Variants in DYNC1LI2 observed in about 807,000 individuals in gnomAD.
DYNC1LI2 encodes dynein cytoplasmic 1 light intermediate chain 2.
Under a neutral mutation model 57.8 loss-of-function variants are expected in DYNC1LI2, and 19 were observed. That is an observed-to-expected ratio of 0.33 (90% CI 0.23 to 0.48). The LOEUF (loss-of-function observed/expected upper bound fraction) is 0.48, where lower values mean the gene tolerates loss of function less well. Ranked by LOEUF, DYNC1LI2 falls within the 20% of genes least tolerant of loss-of-function variation. The probability of loss-of-function intolerance (pLI) is 0.99; values close to 1 mark genes in which losing one functional copy is unlikely to be tolerated. For synonymous variants in DYNC1LI2, 256 were observed against 233.4 expected (o/e 1.10, Z -0.88); for missense variants, 470 against 604.2 (o/e 0.78, Z 2.33).
At chr16:66,733,102 T>C (rs543232422) in intron 6 of DYNC1LI2, 1 of 152,248 alleles carries the variant, frequency 6.6e-6, no homozygotes, top group South Asian at 2.1e-4. Context: ...AACATAAACA[T>C]ATGGGAAACA....
intron 4 of DYNC1LI2, among the ~76,000 whole-genome samples, chr16:66,742,114 C>G (rs561626216): frequency 7.2e-5 from 11 of 152,250 alleles, no homozygotes; most frequent in Admixed American, 2.6e-4. Context: ...GATGTTAACT[C>G]AGCAGACAGA....
intron 8 of DYNC1LI2, among the ~76,000 whole-genome samples, chr16:66,729,793 CT>C (rs935327788): frequency 1.3e-5 from 2 of 151,364 alleles, no homozygotes; most frequent in African/African-American, 4.9e-5. Flanking sequence ...TTCTTCTTTT[CT>C]TTTTTTGATA....
chr16:66,736,839 T>C (rs138011799), intron 4 of DYNC1LI2, among the ~76,000 whole-genome samples: 401 of 152,344 alleles, frequency 2.6e-3, no homozygotes, highest in African/African-American at 9.3e-3. Context: ...AAGGTTTCAA[T>C]AGTTCTTACC....
Position 66,742,394 on chromosome 16 carries a change from G to C in DYNC1LI2, c.529+44C>G, listed in dbSNP as rs2017856067. The stretch of plus-strand genomic sequence containing the variant: ...AGGAAAGTGATTCAAACCATCTAAA[G>C]AGACTCGTGAACTTCCCAATTAAGA... On this transcript the variant is annotated intron_variant, in intron 4 of 12. Coordinates refer to ENST00000258198, the MANE Select transcript of DYNC1LI2 (RefSeq NM_006141.3). 7 of 1,584,292 alleles carry C rather than the reference G, an allele frequency of 4.4e-6. No individual in the cohort carries two copies. In the Admixed American group the frequency reaches 1.0e-4, roughly 23 times the overall value.
chr16:66,725,058 C>T (rs1166477906), intron 12 of DYNC1LI2, among the ~76,000 whole-genome samples: 1 of 151,770 alleles, frequency 6.6e-6, no homozygotes, highest in Non-Finnish European at 1.5e-5. Context: ...CCTGTAGTCC[C>T]AGCTACTCGG....
intron 2 of DYNC1LI2, among the ~76,000 whole-genome samples, chr16:66,750,775 C>A: frequency 6.6e-6 from 1 of 152,156 alleles, no homozygotes. Flanking sequence ...GGACCTGACT[C>A]AGGTAACCTA....
intron 4 of DYNC1LI2, chr16:66,738,884 A>AACACACAC (rs34638723): frequency 3.7e-5 from 5 of 133,476 alleles, no homozygotes; most frequent in East Asian, 4.5e-4. Context: ...AAAAAAAACA[A>AACACACAC]ACACACACAC....
chr16:66,741,798 GA>G (rs899149594), intron 4 of DYNC1LI2, among the ~76,000 whole-genome samples: 65 of 134,968 alleles, frequency 4.8e-4, no homozygotes, highest in African/African-American at 1.4e-3. Flanking sequence ...CCACATTAAG[GA>G]AAAAAAAACC....
intron 9 of DYNC1LI2, 68 bp downstream of exon 9, chr16:66,728,972 A>G: frequency 6.4e-7 from 1 of 1,564,000 alleles, no homozygotes; most frequent in Middle Eastern, 1.7e-4. Context: ...GACACCCCCA[A>G]CCCCACCCTA....
chr16:66,728,867 T>A (rs1227101265), intron 9 of DYNC1LI2, among the ~76,000 whole-genome samples, 173 bp downstream of exon 9: 1 of 152,140 alleles, frequency 6.6e-6, no homozygotes, highest in African/African-American at 2.4e-5. Flanking sequence ...AAGGAGGTGG[T>A]CCATCCCCAA....
chr16:66,723,206 G>A lies in DYNC1LI2; in HGVS notation c.*516C>T, dbSNP rs1251741925. ...TTCTACTGAATGCACAGTATTTACT[G>A]ACACTGCTCATCTCCTCCTTCCTCC... On this transcript the variant is annotated 3_prime_UTR_variant, in exon 13 of 13. Coordinates refer to ENST00000258198, the MANE Select transcript of DYNC1LI2 (RefSeq NM_006141.3). 1 of 396,686 alleles carries A rather than the reference G, an allele frequency of 2.5e-6. No homozygotes were observed. Among genetic ancestry groups the A allele is most frequent in the Non-Finnish European group, 5.1e-6 (1 of 196,080 alleles). The allele number at this position is 396,686 out of a possible 1,614,324, so 24.6% of individuals were successfully genotyped here.
intron 9 of DYNC1LI2, among the ~76,000 whole-genome samples, chr16:66,728,715 G>C (rs1273340825): frequency 1.3e-5 from 2 of 152,196 alleles, no homozygotes; most frequent in African/African-American, 2.4e-5. Context: ...TGAAATAATG[G>C]AAGTGTGGTC....
At chr16:66,736,386 A>G in intron 4 of DYNC1LI2, 142 bp from the exon 5 acceptor site, 1 of 987,756 alleles carries the variant, frequency 1.0e-6, no homozygotes, top group South Asian at 1.8e-5. Context: ...CCAACTGCAA[A>G]ATCAAGGATT....
Position 66,751,398 on chromosome 16 carries a change from C to G in DYNC1LI2, c.108-52G>C, listed in dbSNP as rs748196477. On this transcript the variant is annotated intron_variant, in intron 1 of 12. Transcript: ENST00000258198. The surrounding 1 kb of genome is among the most constrained non-coding windows in gnomAD (Gnocchi z 5.2). ...AGCCCCGGGCCGGGCTGGGATGGCC[C>G]GGCTCGCGTCGGCCCCTCAGTGTGT... 6.3e-5 allele frequency: 100 copies of G among 1,595,694 alleles called. No individual in the cohort carries two copies. Among genetic ancestry groups the G allele is most frequent in the Non-Finnish European group, 8.1e-5 (95 of 1,172,696 alleles).
chr16:66,745,749 C>A (rs754751079), intron 3 of DYNC1LI2, among the ~76,000 whole-genome samples: 2 of 151,392 alleles, frequency 1.3e-5, no homozygotes, highest in African/African-American at 2.4e-5. Context: ...ACAAAAGATA[C>A]AAAAATTAGC....
intron 7 of DYNC1LI2, 47 bp from the exon 8 acceptor site, chr16:66,730,270 T>A: frequency 6.5e-7 from 1 of 1,533,258 alleles, no homozygotes. Flanking sequence ...TGGGGCTGCC[T>A]TAGAGCATAC....
chr16:66,725,162 A>C (rs554214394), intron 12 of DYNC1LI2, among the ~76,000 whole-genome samples: 52 of 142,764 alleles, frequency 3.6e-4, no homozygotes, highest in African/African-American at 1.2e-3. Context: ...GCGACAGAGC[A>C]AGACTCCATC....
At chr16:66,729,208 G>A (rs2017590461) in intron 8 of DYNC1LI2, 109 bp from the exon 9 acceptor site, 8 of 1,208,708 alleles carry the variant, frequency 6.6e-6, no homozygotes, top group Non-Finnish European at 8.5e-6. Context: ...CACAGGTCTG[G>A]GAGATCCCTA....
chr16:66,734,333 T>C (rs1427436713), intron 5 of DYNC1LI2, 22 bp from the exon 6 acceptor site: 19 of 1,612,122 alleles, frequency 1.2e-5, no homozygotes, highest in African/African-American at 4.0e-5. Flanking sequence ...ACAGACAGAG[T>C]CACCTTTTTG....
Sources: gnomAD v4.1 joint callset for allele counts (sites outside exome capture counted in the v4.1 genomes callset) on GRCh38, gnomAD v4.1.1 for gene constraint, Gnocchi (gnomAD v3.1) non-coding constraint, MANE v1.5 for transcripts, NCBI Gene and HGNC (gene_info 2026-07-23, HGNC 2026-07-21) for gene names.